Variants in IGSF3 observed in about 807,000 individuals in gnomAD.
The protein encoded by IGSF3 is immunoglobulin superfamily member 3.
IGSF3 carries 23 observed loss-of-function variants against 114.4 expected under a neutral mutation model. That is an observed-to-expected ratio of 0.20 (90% CI 0.14 to 0.28). IGSF3 has a LOEUF of 0.28. Ranked by LOEUF, IGSF3 falls within the 10% of genes least tolerant of loss-of-function variation. The pLI is 1.00. For missense variants in IGSF3, 1,172 were observed against 1,591.5 expected, an observed-to-expected ratio of 0.74 and a Z score of 4.48; for synonymous variants, 571 against 645.2, an observed-to-expected ratio of 0.88 and a Z score of 1.74.
At position 116,584,753 on chromosome 1, in the gene IGSF3, C is replaced by T. The variant is rs984835504; in HGVS notation, c.2740G>A (p.Gly914Arg). The T allele has an allele frequency of 3.1e-6, 5 of 1,613,974 alleles. No homozygotes were observed. The highest frequency in any genetic ancestry group is 1.3e-5 in the African/African-American group (1 of 74,926). ...TCCTCCACATGGCAGCTGTAGGTCC[C>T]GCTGTCCTGCACAGCCACGTTCTGG... ...FIQNVAVQDS[G>R]TYSCHVEEWL... is the part of the protein sequence containing the mutation. The change falls in exon 9 of 11, where the codon GGG (glycine) becomes AGG (arginine). Residue 914 changes from glycine (G) to arginine (R), a missense_variant. This residue lies in a region of IGSF3 where 423 missense variants were observed against 509.8 expected (regional missense o/e 0.83). Transcript: ENST00000369486. This position sits in a 1 kb window ranked among gnomAD's most constrained non-coding sequence, Gnocchi z 5.8.
In IGSF3 at chr1:116,662,374, G is replaced by A. The variant is rs140732265; in HGVS notation, c.43+3910C>T. On this transcript the variant is annotated intron_variant, in intron 2 of 10. Transcript: ENST00000369486. The surrounding 1 kb of genome is among the most constrained non-coding windows in gnomAD (Gnocchi z 4.3). ...GCATGAGCCACCATGCCCAGCTTAG[G>A]CAAGTTACTTAACCTCCCTAAGCTT... 6.9e-3 allele frequency among the ~76,000 whole-genome samples: 1,044 copies of A among 152,154 alleles called. 12 individuals carry two copies. Among genetic ancestry groups the A allele is most frequent in the African/African-American group, 0.024 (980 of 41,506 alleles).
intron 9 of IGSF3, among the ~76,000 whole-genome samples, chr1:116,580,820 A>T (rs2101304174): frequency 6.6e-6 from 1 of 152,336 alleles, no homozygotes; most frequent in East Asian, 1.9e-4. Context: ...ATGATGATGG[A>T]GGCCCAAACA....
chr1:116,613,709 T>G, intron 4 of IGSF3, 56 bp downstream of exon 4: 1 of 1,528,988 alleles, frequency 6.5e-7, no homozygotes, highest in Non-Finnish European at 9.0e-7. Context: ...TCTCCCAGTA[T>G]CTGACAGCCT....
At chr1:116,599,868 C>G in intron 7 of IGSF3, 73 bp downstream of exon 7, 1 of 1,351,660 alleles carries the variant, frequency 7.4e-7, no homozygotes, top group Non-Finnish European at 1.0e-6. Flanking sequence ...AAGGGCTCCA[C>G]GCACACCTTT....
rs1288731413 is a variant in IGSF3, at chr1:116,616,755, G to T, written c.44-298C>A. On this transcript the variant is annotated intron_variant, in intron 2 of 10. Transcript: ENST00000369486. This position sits in a 1 kb window ranked among gnomAD's most constrained non-coding sequence, Gnocchi z 6.6. Reference sequence around the variant, plus strand: ...AGCCCCTCTGTTTGTCATTTATATGGCAGTTTTATATCTATTTATTAATGC... The same window carrying T: ...AGCCCCTCTGTTTGTCATTTATATGTCAGTTTTATATCTATTTATTAATGC... 6.6e-6 allele frequency among the ~76,000 whole-genome samples: 1 copy of T among 152,154 alleles called. No individual in the cohort carries two copies. Among genetic ancestry groups the T allele is most frequent in the African/African-American group, 2.4e-5 (1 of 41,408 alleles).
intron 9 of IGSF3, among the ~76,000 whole-genome samples, chr1:116,580,509 A>G (rs1034458556): frequency 1.3e-5 from 2 of 152,210 alleles, no homozygotes; most frequent in African/African-American, 4.8e-5. Context: ...TGAGACCCTA[A>G]TCCAGTAAGA....
At position 116,666,381 on chromosome 1, in the gene IGSF3, A is replaced by C; in HGVS notation, c.-55T>G. 6.5e-7 allele frequency: 1 copy of C among 1,538,030 alleles called. No individual in the cohort carries two copies. The highest frequency in any genetic ancestry group is 1.1e-5 in the South Asian group (1 of 89,532). ...GGCGCTTCCTCTTCTCCCAGCTCCT[A>C]ATCTCTCATTTCTGGCAATCCACTT... On this transcript the variant is annotated 5_prime_UTR_variant, in exon 2 of 11. The change creates a new upstream start codon in the 5' untranslated region. Transcript: ENST00000369486.
chr1:116,637,415 C>T (rs1647882457), intron 2 of IGSF3, among the ~76,000 whole-genome samples: 1 of 152,156 alleles, frequency 6.6e-6, no homozygotes, highest in African/African-American at 2.4e-5. Context: ...ACAATCTTTA[C>T]CCTGAAGGAG....
In IGSF3 at chr1:116,582,831, G is replaced by C. The variant is rs72697343; in HGVS notation, c.2848+1814C>G. On this transcript the variant is annotated intron_variant, in intron 9 of 10. Coordinates refer to ENST00000369486, the MANE Select transcript of IGSF3 (RefSeq NM_001007237.3). This position sits in a 1 kb window ranked among gnomAD's most constrained non-coding sequence, Gnocchi z 4.7. Reference sequence around the variant, plus strand: ...TATTAATAGTAGATATTTGTAGGCCGTGAGATTATGGCTAACCTTTCTTTT... The same window carrying C: ...TATTAATAGTAGATATTTGTAGGCCCTGAGATTATGGCTAACCTTTCTTTT... 2.0e-5 allele frequency among the ~76,000 whole-genome samples: 3 copies of C among 152,314 alleles called. No individual in the cohort carries two copies. The South Asian group carries it at 6.2e-4, about 32-fold the overall frequency.
rs544273548 is a variant in IGSF3 at position 116,625,315 on chromosome 1, T to C, written c.44-8858A>G. Among the ~76,000 whole-genome samples the C allele has an allele frequency of 7.2e-4, 109 of 152,314 alleles. No homozygotes were observed. The highest frequency in any genetic ancestry group is 2.4e-3 in the African/African-American group (98 of 41,552). Reference sequence around the variant, plus strand: ...TGCAAGGTTAAGCCCTTTCAGAAAGTGAAAGCATTCAAAAAGCCTTCAAAA... The same window carrying C: ...TGCAAGGTTAAGCCCTTTCAGAAAGCGAAAGCATTCAAAAAGCCTTCAAAA... On this transcript the variant is annotated intron_variant, in intron 2 of 10. Transcript: ENST00000369486. This position sits in a 1 kb window ranked among gnomAD's most constrained non-coding sequence, Gnocchi z 4.7.
chr1:116,635,728 A>G (rs1177860789), intron 2 of IGSF3, among the ~76,000 whole-genome samples: 1 of 152,248 alleles, frequency 6.6e-6, no homozygotes, highest in African/African-American at 2.4e-5. Flanking sequence ...AATGAACAAC[A>G]TCTGGTTATG....
In IGSF3 at chr1:116,613,969, A is replaced by C; in HGVS notation, c.628T>G (p.Tyr210Asp). The C allele has an allele frequency of 6.2e-7, 1 of 1,613,990 alleles. No homozygotes were observed. The highest frequency in any genetic ancestry group is 8.5e-7 in the Non-Finnish European group (1 of 1,179,880). The stretch of plus-strand genomic sequence containing the variant: ...TCCCCCAGGCTCTGCCTCTGGGCAT[A>C]TTCGCTGCTGGAGTGAAGCATGAAA... ...RDFMLHSSSE[Y>D]AQRQSLGEVR... is the part of the protein sequence containing the mutation. Residue 210 changes from tyrosine to aspartate, a missense_variant, in exon 4 of 11, where the codon TAT becomes GAT. Coordinates refer to ENST00000369486, the MANE Select transcript of IGSF3 (RefSeq NM_001007237.3).
At chr1:116,587,297 T>A (rs1485759177) in intron 8 of IGSF3, among the ~76,000 whole-genome samples, 1 of 152,234 alleles carries the variant, frequency 6.6e-6, no homozygotes, top group East Asian at 1.9e-4. Context: ...ACTTCATAAT[T>A]ACTTATATAT....
chr1:116,615,870 T>A lies in IGSF3; in HGVS notation c.421+210A>T, dbSNP rs1005168771. On this transcript the variant is annotated intron_variant, in intron 3 of 10. Transcript: ENST00000369486. The surrounding 1 kb of genome is among the most constrained non-coding windows in gnomAD (Gnocchi z 4.3). ...ACTTATGAAATTCTTAACATCTGCA[T>A]TAGACCTTTTTAAAGTTTCACCCTC... Among the ~76,000 whole-genome samples the A allele has an allele frequency of 2.0e-5, 3 of 152,232 alleles. No homozygotes were observed. Among genetic ancestry groups the A allele is most frequent in the Non-Finnish European group, 2.9e-5 (2 of 68,042 alleles).
Position 116,627,274 on chromosome 1 carries a change from ATAC to A in IGSF3, c.44-10820_44-10818del. 6.6e-6 allele frequency among the ~76,000 whole-genome samples: 1 copy of A among 152,184 alleles called. No individual in the cohort carries two copies. Among genetic ancestry groups the A allele is most frequent in the Non-Finnish European group, 1.5e-5 (1 of 68,034 alleles). ...TAAGTGCCTCATTCCTTCTCACAGC[ATAC>A]ATTTCACAGCAATTACTGTTGCTAT... On this transcript the variant is annotated intron_variant, in intron 2 of 10. Transcript: ENST00000369486. The surrounding 1 kb of genome is among the most constrained non-coding windows in gnomAD (Gnocchi z 4.7).
chr1:116,645,781 C>T (rs577065431), intron 2 of IGSF3, among the ~76,000 whole-genome samples: 1 of 152,342 alleles, frequency 6.6e-6, no homozygotes, highest in South Asian at 2.1e-4. Context: ...GTAAGTGGCT[C>T]TAATGATCCA....
rs1660231082 is a variant in IGSF3 at position 116,593,909 on chromosome 1, C to T, written c.2030-4805G>A. 6.6e-6 allele frequency among the ~76,000 whole-genome samples: 1 copy of T among 152,224 alleles called. No individual in the cohort carries two copies. The highest frequency in any genetic ancestry group is 6.5e-5 in the Admixed American group (1 of 15,288). On this transcript the variant is annotated intron_variant, in intron 7 of 10. Coordinates refer to ENST00000369486, the MANE Select transcript of IGSF3 (RefSeq NM_001007237.3). This position sits in a 1 kb window ranked among gnomAD's most constrained non-coding sequence, Gnocchi z 4.5. Reference sequence around the variant, plus strand: ...AGATGTAAAATTGTATCTGGGACAACTCCATGCAACAAAACTCTGCCTCGT... The same window carrying T: ...AGATGTAAAATTGTATCTGGGACAATTCCATGCAACAAAACTCTGCCTCGT...
At chr1:116,617,030 G>T (rs982815958) in intron 2 of IGSF3, among the ~76,000 whole-genome samples, 21 of 152,032 alleles carry the variant, frequency 1.4e-4, no homozygotes, top group Admixed American at 1.3e-4. Flanking sequence ...TCCATAAATG[G>T]AGGCAGAGCT....
At chr1:116,656,550 A>G (rs1214855430) in intron 2 of IGSF3, among the ~76,000 whole-genome samples, 2 of 151,952 alleles carry the variant, frequency 1.3e-5, no homozygotes, top group Non-Finnish European at 2.9e-5. Flanking sequence ...TCAGCCTCCC[A>G]AAGTGCTGGG....
Sources: allele counts gnomAD v4.1 joint callset (sites outside exome capture counted in the v4.1 genomes callset), GRCh38; gene constraint gnomAD v4.1.1; regional missense constraint gnomAD v4.1.1; non-coding constraint Gnocchi (gnomAD v3.1); transcripts MANE v1.5; gene names NCBI Gene and HGNC (gene_info 2026-07-23, HGNC 2026-07-21).